PLXNA4: variants seen among roughly 807,000 people sequenced by gnomAD.
PLXNA4 encodes the protein plexin A4, also known as plexin-A4.
Under a neutral mutation model 191.8 loss-of-function variants are expected in PLXNA4, and 44 were observed. The observed-to-expected ratio is 0.23, with a 90% confidence interval of 0.18 to 0.29. The LOEUF (loss-of-function observed/expected upper bound fraction) is 0.29, where lower values mean the gene tolerates loss of function less well. Among genes scored for constraint, PLXNA4 ranks in the 10% least tolerant of loss-of-function variants. PLXNA4 has a pLI of 1.00. For synonymous variants in PLXNA4, 1,082 were observed against 1,009.5 expected (o/e 1.07, Z -1.36); for missense variants, 1,800 against 2,488.8 (o/e 0.72, Z 5.89).
intron 3 of PLXNA4, among the ~76,000 whole-genome samples, chr7:132,454,852 A>G (rs1196727203): frequency 6.6e-6 from 1 of 152,164 alleles, no homozygotes; most frequent in Non-Finnish European, 1.5e-5. Context: ...AGGAGAGCGA[A>G]GGAATAAATG....
At chr7:132,152,453 T>G (rs1795673704) in intron 25 of PLXNA4, among the ~76,000 whole-genome samples, 1 of 152,202 alleles carries the variant, frequency 6.6e-6, no homozygotes, top group African/African-American at 2.4e-5. Flanking sequence ...TGTTGCATAT[T>G]CAGTGTGTGC....
chr7:132,174,082 G>C (rs754722163), intron 21 of PLXNA4, among the ~76,000 whole-genome samples: 3 of 152,184 alleles, frequency 2.0e-5, no homozygotes, highest in Non-Finnish European at 4.4e-5. Flanking sequence ...GTTAGTAATA[G>C]TCAACTCATA....
chr7:132,217,631 C>A (rs566962783), intron 9 of PLXNA4, among the ~76,000 whole-genome samples: 2 of 152,282 alleles, frequency 1.3e-5, no homozygotes, highest in South Asian at 2.1e-4. Context: ...TTCTCAGAAC[C>A]ACAGTGCCCA....
At chr7:132,469,597 G>A (rs1455769035) in intron 3 of PLXNA4, among the ~76,000 whole-genome samples, 1 of 152,186 alleles carries the variant, frequency 6.6e-6, no homozygotes, top group Non-Finnish European at 1.5e-5. Flanking sequence ...CCATTTGGAT[G>A]CTTTGCAAAG....
At chr7:132,274,353 A>C (rs1223166139) in intron 4 of PLXNA4, among the ~76,000 whole-genome samples, 26 of 152,150 alleles carry the variant, frequency 1.7e-4, no homozygotes, top group Admixed American at 1.7e-3. Flanking sequence ...TTACCCAAAT[A>C]GTAGAAAGAG....
At chr7:132,426,748 A>T (rs907596070) in intron 3 of PLXNA4, among the ~76,000 whole-genome samples, 33 of 152,120 alleles carry the variant, frequency 2.2e-4, no homozygotes, top group African/African-American at 7.0e-4. Context: ...AGAGGGTGAA[A>T]ATTAGAGGGC....
intron 25 of PLXNA4, among the ~76,000 whole-genome samples, chr7:132,151,309 A>G (rs62469702): frequency 0.099 from 2,202 of 22,134 alleles, 282 homozygotes; most frequent in African/African-American, 0.2. Flanking sequence ...AGGAGGAGGA[A>G]GAAGGAGGAG....
intron 5 of PLXNA4, among the ~76,000 whole-genome samples, chr7:132,230,331 G>A (rs967091490): frequency 5.3e-5 from 8 of 152,266 alleles, no homozygotes; most frequent in East Asian, 1.9e-4. Flanking sequence ...GGTTCTTCTC[G>A]CCATCCTGAT....
chr7:132,188,291 AG>A (rs1225062617), intron 14 of PLXNA4, among the ~76,000 whole-genome samples: 1 of 152,184 alleles, frequency 6.6e-6, no homozygotes, highest in African/African-American at 2.4e-5. Context: ...GGCAGAAAAA[AG>A]CTCTTGACAG....
intron 2 of PLXNA4, among the ~76,000 whole-genome samples, chr7:132,636,415 G>A (rs1442779131): frequency 6.6e-6 from 1 of 152,176 alleles, no homozygotes; most frequent in Non-Finnish European, 1.5e-5. Flanking sequence ...TTTCATGGGT[G>A]GGGCTTCTGG....
At chr7:132,431,762 C>T (rs1003030484) in intron 3 of PLXNA4, among the ~76,000 whole-genome samples, 3 of 152,296 alleles carry the variant, frequency 2.0e-5, no homozygotes, top group Admixed American at 6.5e-5. Flanking sequence ...TTGGCCTCAG[C>T]GCTCCCTGGC....
At chr7:132,379,025 A>AT (rs1310095150) in intron 3 of PLXNA4, among the ~76,000 whole-genome samples, 1 of 151,788 alleles carries the variant, frequency 6.6e-6, no homozygotes, top group Non-Finnish European at 1.5e-5. Context: ...TAATTTTTAT[A>AT]TTTTTTATGG....
intron 1 of PLXNA4, among the ~76,000 whole-genome samples, chr7:132,540,404 C>G (rs1358332682): frequency 6.6e-6 from 1 of 152,012 alleles, no homozygotes; most frequent in Non-Finnish European, 1.5e-5. Flanking sequence ...TTCAATTGCC[C>G]TAGCTCCAAT....
chr7:132,313,303 G>A (rs1317432442), intron 3 of PLXNA4, among the ~76,000 whole-genome samples: 1 of 152,210 alleles, frequency 6.6e-6, no homozygotes, highest in African/African-American at 2.4e-5. Context: ...GACTGGTTTT[G>A]AAATAATTCT....
chr7:132,192,633 T>C (rs1254459200), intron 14 of PLXNA4, among the ~76,000 whole-genome samples: 3 of 152,108 alleles, frequency 2.0e-5, no homozygotes, highest in Non-Finnish European at 4.4e-5. Flanking sequence ...GGGCACATGA[T>C]GGCCAGGCAT....
At chr7:132,510,903 C>T (rs1018579607) in intron 1 of PLXNA4, among the ~76,000 whole-genome samples, 6 of 152,168 alleles carry the variant, frequency 3.9e-5, no homozygotes, top group East Asian at 1.9e-4. Context: ...TTCAGCCTTG[C>T]CAGGATGTCA....
intron 3 of PLXNA4, among the ~76,000 whole-genome samples, chr7:132,340,867 G>A (rs914963364): frequency 3.3e-5 from 5 of 152,054 alleles, no homozygotes; most frequent in African/African-American, 4.8e-5. Flanking sequence ...TATTAGAGAC[G>A]GGGTTTCACC....
intron 3 of PLXNA4, among the ~76,000 whole-genome samples, chr7:132,306,186 G>A (rs925795519): frequency 6.6e-6 from 1 of 152,192 alleles, no homozygotes; most frequent in South Asian, 2.1e-4. Flanking sequence ...CCATGCCAGA[G>A]CCAGAGTTAG....
intron 2 of PLXNA4, among the ~76,000 whole-genome samples, chr7:132,644,811 G>A (rs943635330): frequency 6.6e-6 from 1 of 152,146 alleles, no homozygotes; most frequent in Admixed American, 6.5e-5. Flanking sequence ...GCTTTATTAG[G>A]ACCTTTGACA....
Sources: allele counts gnomAD v4.1 joint callset (sites outside exome capture counted in the v4.1 genomes callset), GRCh38; gene constraint gnomAD v4.1.1; transcripts MANE v1.5; gene names NCBI Gene and HGNC (gene_info 2026-07-23, HGNC 2026-07-21).